COL6A3: variants seen among roughly 807,000 people sequenced by gnomAD.
COL6A3 encodes collagen type VI alpha 3 chain.
In COL6A3, 137 loss-of-function variants were observed where a neutral mutation model predicts 274.1. The ratio of observed to expected loss-of-function variants is 0.50; its 90% CI spans 0.44 to 0.58. The LOEUF (loss-of-function observed/expected upper bound fraction) is 0.58. COL6A3 is among the 20% of genes least tolerant of loss of function. The pLI is 0.00. For missense variants in COL6A3, 3,950 were observed against 4,124.9 expected, an observed-to-expected ratio of 0.96 and a Z score of 1.16; for synonymous variants, 1,650 against 1,650.6, an observed-to-expected ratio of 1.00 and a Z score of 0.01.
intron 1 of COL6A3, among the ~76,000 whole-genome samples, chr2:237,398,608 G>A (rs1024933830): frequency 7.9e-5 from 12 of 152,168 alleles, no homozygotes; most frequent in Middle Eastern, 3.2e-3. Context: ...GACCACAGAC[G>A]GGGCTGCCCA....
chr2:237,363,140 A>C, intron 14 of COL6A3, 113 bp downstream of exon 14: 9 of 1,001,580 alleles, frequency 9.0e-6, no homozygotes, highest in Non-Finnish European at 7.5e-6. Context: ...ACTATCTACC[A>C]AGGCCCCCCC....
At chr2:237,331,255 CT>C (rs1321301179) in intron 42 of COL6A3, among the ~76,000 whole-genome samples, 4 of 152,038 alleles carry the variant, frequency 2.6e-5, no homozygotes, top group Admixed American at 6.6e-5. Flanking sequence ...CAGTTATTAT[CT>C]TTTTTTAGTT....
At chr2:237,330,709 C>T (rs1700186013) in intron 42 of COL6A3, among the ~76,000 whole-genome samples, 1 of 152,186 alleles carries the variant, frequency 6.6e-6, no homozygotes, top group African/African-American at 2.4e-5. Context: ...ACCAGACTGC[C>T]CTCGCATTAC....
chr2:237,378,876 C>T lies in COL6A3; in HGVS notation c.2257G>A (p.Gly753Arg). Residue 753 changes from glycine to arginine, a missense_variant, in exon 6 of 44, where the codon GGG becomes AGG. Coordinates refer to ENST00000295550, the MANE Select transcript of COL6A3 (RefSeq NM_004369.4). Reference protein sequence around the residue: ...VPQLLLLLTAGQSEDSYLQAA... With the variant: ...VPQLLLLLTARQSEDSYLQAA... Reference sequence around the variant, plus strand: ...TGCAAATAGGAGTCCTCAGACTGCCCAGCTGTGAGCAGAAGCAGGAGCTGC... The same window carrying T: ...TGCAAATAGGAGTCCTCAGACTGCCTAGCTGTGAGCAGAAGCAGGAGCTGC... 1 of 1,614,218 alleles carries T rather than the reference C, an allele frequency of 6.2e-7. No individual in the cohort carries two copies. The highest frequency in any genetic ancestry group is 2.2e-5 in the East Asian group (1 of 44,884).
intron 3 of COL6A3, among the ~76,000 whole-genome samples, chr2:237,393,750 C>T (rs555150152): frequency 6.6e-6 from 1 of 152,336 alleles, no homozygotes; most frequent in East Asian, 1.9e-4. Flanking sequence ...AAATTCCTTC[C>T]CCATTGGCCA....
rs368344827 is a variant in COL6A3, at chr2:237,387,704, T to C, written c.1190A>G (p.Asn397Ser). 1 of 1,613,900 alleles carries C rather than the reference T, an allele frequency of 6.2e-7. No homozygotes were observed. The highest frequency in any genetic ancestry group is 8.5e-7 in the Non-Finnish European group (1 of 1,179,966). The change falls in exon 4 of 44, where the codon AAC (asparagine) becomes AGC (serine). Residue 397 changes from asparagine (N) to serine (S), a missense_variant. Asn to Ser is a conservative substitution (Grantham distance 46). Around this residue, in one of 5 missense-constraint regions of COL6A3, gnomAD observed 1,934 missense variants for 1,984.3 expected, o/e 0.97. Coordinates refer to ENST00000295550, the MANE Select transcript of COL6A3 (RefSeq NM_004369.4). ...GAATTCCGGGACAGTAAACACCAAG[T>C]TGTCATCGGTAGCTATGTGCTGAAG... ...AELQHIATDD[N>S]LVFTVPEFRS... is the part of the protein sequence containing the mutation.
Position 237,374,353 on chromosome 2 carries a change from C to G in COL6A3, c.3679+59G>C. ...TTGAGAACACCTTGTGGCCCACAGT[C>G]CAGACAAGTAGCCCCAGACAATGAC... On this transcript the variant is annotated intron_variant, in intron 8 of 43. Coordinates refer to ENST00000295550, the MANE Select transcript of COL6A3 (RefSeq NM_004369.4). The surrounding 1 kb of genome is among the most constrained non-coding windows in gnomAD (Gnocchi z 4.8). The G allele has an allele frequency of 1.2e-6, 2 of 1,601,338 alleles. No homozygotes were observed. Among genetic ancestry groups the G allele is most frequent in the South Asian group, 2.2e-5 (2 of 90,352 alleles).
At chr2:237,346,688 C>T (rs2077104207) in intron 31 of COL6A3, 123 bp from the exon 32 acceptor site, 1 of 882,634 alleles carries the variant, frequency 1.1e-6, no homozygotes, top group South Asian at 1.4e-5. Flanking sequence ...CGAAAAATCT[C>T]TCACTTTAAG....
At chr2:237,348,433 A>T in intron 29 of COL6A3, 49 bp from the exon 30 acceptor site, 4 of 1,502,208 alleles carry the variant, frequency 2.7e-6, no homozygotes. Context: ...ATTTAAATTC[A>T]TCTAAAATAA....
chr2:237,348,389 A>G lies in COL6A3; in HGVS notation c.6931-5T>C, dbSNP rs749268883. 2 of 1,595,730 alleles carry G rather than the reference A, an allele frequency of 1.3e-6. No individual in the cohort carries two copies. The highest frequency in any genetic ancestry group is 1.7e-6 in the Non-Finnish European group (2 of 1,163,314). On this transcript the variant is annotated splice_polypyrimidine_tract_variant and splice_region_variant and intron_variant, in intron 29 of 43. Coordinates refer to ENST00000295550, the MANE Select transcript of COL6A3 (RefSeq NM_004369.4). ...TCCAGGGAATCCTCTTTCTCCCTAT[A>G]AAGGAAAAATAGATTATTTAATACT...
intron 17 of COL6A3, among the ~76,000 whole-genome samples, chr2:237,359,794 G>A (rs1487494882): frequency 7.9e-5 from 12 of 152,188 alleles, no homozygotes; most frequent in African/African-American, 2.4e-4. Flanking sequence ...CAGGGCCGGG[G>A]CCGTGGGCAC....
At chr2:237,325,789 G>T in intron 42 of COL6A3, 65 bp from the exon 43 acceptor site, 1 of 1,433,438 alleles carries the variant, frequency 7.0e-7, no homozygotes, top group Non-Finnish European at 9.7e-7. Flanking sequence ...TCCCAGTGCT[G>T]GGGCTGACAG....
At chr2:237,367,616 T>C (rs920903379) in intron 10 of COL6A3, among the ~76,000 whole-genome samples, 4 of 152,260 alleles carry the variant, frequency 2.6e-5, no homozygotes, top group African/African-American at 9.6e-5. Context: ...AATAGGGACC[T>C]GGCTTTGACA....
chr2:237,401,025 A>G (rs1028585800), intron 1 of COL6A3, among the ~76,000 whole-genome samples: 1 of 152,234 alleles, frequency 6.6e-6, no homozygotes, highest in Non-Finnish European at 1.5e-5. Flanking sequence ...AAAACATATT[A>G]CAAAATGGTG....
intron 7 of COL6A3, among the ~76,000 whole-genome samples, chr2:237,376,067 GT>G (rs1231097614): frequency 1.3e-5 from 2 of 152,178 alleles, no homozygotes; most frequent in African/African-American, 4.8e-5. Context: ...TTTCAATTGA[GT>G]TGCTGCAAGT....
intron 42 of COL6A3, chr2:237,327,285 C>T (rs1000909612): frequency 2.1e-4 from 32 of 152,294 alleles, no homozygotes; most frequent in African/African-American, 6.0e-4. Flanking sequence ...CCAATGGACC[C>T]TATTTGCTCT....
At chr2:237,351,263 A>G in intron 26 of COL6A3, 71 bp from the exon 27 acceptor site, 1 of 1,450,894 alleles carries the variant, frequency 6.9e-7, no homozygotes, top group Non-Finnish European at 9.7e-7. Flanking sequence ...CTGAAACCTG[A>G]CTCTCCCCTG....
Position 237,388,169 on chromosome 2 carries a change from T to A in COL6A3, c.725A>T (p.Asp242Val). The A allele has an allele frequency of 6.2e-7, 1 of 1,614,078 alleles. No homozygotes were observed. Residue 242 changes from aspartate (D) to valine (V), a missense_variant, in exon 4 of 44, where the codon GAC (aspartate) becomes GTC (valine). This residue lies in a region of COL6A3 where 1,934 missense variants were observed against 1,984.3 expected (regional missense o/e 0.97). Transcript: ENST00000295550. ...LKDITAQDSA[D>V]IIFLIDGSNN... is the part of the protein sequence containing the mutation. ...TGATCCATCAATAAGGAAAATAATG[T>A]CAGCAGAGTCTTGTGCTTTAAAAGA...
intron 11 of COL6A3, 46 bp from the exon 12 acceptor site, chr2:237,366,081 G>A (rs2106349578): frequency 6.5e-7 from 1 of 1,538,180 alleles, no homozygotes; most frequent in Non-Finnish European, 9.0e-7. Context: ...TGGGGCTGAG[G>A]AGACGAACTC....
Sources: gnomAD v4.1 joint callset for allele counts (sites outside exome capture counted in the v4.1 genomes callset) on GRCh38, gnomAD v4.1.1 for gene constraint, gnomAD v4.1.1 regional missense constraint, Gnocchi (gnomAD v3.1) non-coding constraint, MANE v1.5 for transcripts, NCBI Gene and HGNC (gene_info 2026-07-23, HGNC 2026-07-21) for gene names.